ZC3H4: variants seen among roughly 807,000 people sequenced by gnomAD.
The protein encoded by ZC3H4 is zinc finger CCCH domain-containing protein 4.
Under a neutral mutation model 108.3 loss-of-function variants are expected in ZC3H4, and 13 were observed. The observed-to-expected ratio is 0.12, with a 90% confidence interval of 0.08 to 0.19. The LOEUF is 0.19. ZC3H4 is among the 10% of genes least tolerant of loss of function. The pLI is 1.00. For missense variants in ZC3H4, 1,734 were observed against 1,838.8 expected (o/e 0.94, Z 1.04); for synonymous variants, 917 against 749.6 (o/e 1.22, Z -3.65).
chr19:47,112,480 G>A lies in ZC3H4; in HGVS notation c.105C>T (p.Asp35=). The change falls in exon 2 of 15, where the codon GAC becomes GAT. Residue 35 remains aspartate, a synonymous_variant. Coordinates refer to ENST00000253048, the MANE Select transcript of ZC3H4 (RefSeq NM_015168.2). ...GGAGGTGCGGGGTGGCCGGGCGGGC[G>A]TCGGGGGAACACGGAGGAGGCGAAG... ...STPSPPPCSP[D]ARPATPHLLH... The A allele has an allele frequency of 8.5e-7, 1 of 1,175,762 alleles. No homozygotes were observed. Among genetic ancestry groups the A allele is most frequent in the Non-Finnish European group, 1.1e-6 (1 of 929,248 alleles). The allele number at this position is 1,175,762 out of a possible 1,614,324, so 72.8% of individuals were successfully genotyped here.
rs750183114 is a variant in ZC3H4 at position 47,072,705 on chromosome 19, G to A, written c.1449C>T (p.Ala483=). The change falls in exon 12 of 15, where the codon GCC becomes GCT. Residue 483 remains alanine (A), a synonymous_variant. Transcript: ENST00000253048. The surrounding 1 kb of genome is among the most constrained non-coding windows in gnomAD (Gnocchi z 5.6). The part of the protein sequence containing the change: ...ETRELLDKML[A]DDAEAGAEDE... Reference sequence around the variant, plus strand: ...CCTCGGCACCTGCTTCTGCATCATCGGCCAACATCTGCGGGTGTGAAAGAA... The same window carrying A: ...CCTCGGCACCTGCTTCTGCATCATCAGCCAACATCTGCGGGTGTGAAAGAA... The A allele has an allele frequency of 3.2e-5, 51 of 1,613,524 alleles. No individual in the cohort carries two copies. Among genetic ancestry groups the A allele is most frequent in the Non-Finnish European group, 3.6e-5 (43 of 1,179,996 alleles).
chr19:47,083,231 G>A (rs2057555303), intron 9 of ZC3H4, among the ~76,000 whole-genome samples: 1 of 150,930 alleles, frequency 6.6e-6, no homozygotes, highest in Admixed American at 6.6e-5. Flanking sequence ...CTTGCAGTGA[G>A]GCAGAACTTG....
At position 47,066,771 on chromosome 19, in the gene ZC3H4, T is replaced by G. The variant is rs780936964; in HGVS notation, c.3497A>C (p.Asp1166Ala). ...AGGKATEPAADTGAQPKGAEG... is the reference protein window; with the variant it reads ...AGGKATEPAAATGAQPKGAEG... Reference sequence around the variant, plus strand: ...AGCACCCTTGGGCTGGGCACCCGTGTCAGCAGCCGGCTCTGTGGCTTTGCC... The same window carrying G: ...AGCACCCTTGGGCTGGGCACCCGTGGCAGCAGCCGGCTCTGTGGCTTTGCC... The change falls in exon 15 of 15, where the codon GAC (aspartate) becomes GCC (alanine). Residue 1166 changes from aspartate (D) to alanine (A), a missense_variant. Around this residue, in one of 9 missense-constraint regions of ZC3H4, gnomAD observed 518 missense variants for 499.6 expected, o/e 1.04. Coordinates refer to ENST00000253048, the MANE Select transcript of ZC3H4 (RefSeq NM_015168.2). 29 of 1,602,568 alleles carry G rather than the reference T, an allele frequency of 1.8e-5. No individual in the cohort carries two copies. In the East Asian group the frequency reaches 5.6e-4, roughly 31 times the overall value.
intron 2 of ZC3H4, among the ~76,000 whole-genome samples, chr19:47,111,910 G>A (rs2058044242): frequency 6.6e-6 from 1 of 152,098 alleles, no homozygotes; most frequent in Admixed American, 6.5e-5. Flanking sequence ...GGGGCTGGGA[G>A]ACCCCCAACC....
chr19:47,093,726 G>C (rs2057775204), intron 4 of ZC3H4: 1 of 395,852 alleles, frequency 2.5e-6, no homozygotes, highest in Admixed American at 3.9e-5. Flanking sequence ...TGAGTAGCTG[G>C]AACTACAGGC....
chr19:47,091,108 C>A (rs1186882072), intron 4 of ZC3H4, among the ~76,000 whole-genome samples: 1 of 151,686 alleles, frequency 6.6e-6, no homozygotes, highest in Non-Finnish European at 1.5e-5. Context: ...AATGCAACAA[C>A]AACAACAACA....
chr19:47,098,889 CAAGT>C (rs922342027), intron 2 of ZC3H4, among the ~76,000 whole-genome samples: 2 of 152,202 alleles, frequency 1.3e-5, no homozygotes, highest in Admixed American at 6.5e-5. Flanking sequence ...TTCTGCAGAC[CAAGT>C]AACTCAACCA....
chr19:47,069,494 C>G (rs1265876512), intron 13 of ZC3H4, 151 bp from the exon 14 acceptor site: 4 of 1,014,402 alleles, frequency 3.9e-6, no homozygotes, highest in Non-Finnish European at 5.6e-6. Context: ...CTCAGGGGAA[C>G]AGAGCGGCCC....
chr19:47,110,843 C>T (rs1440881467), intron 2 of ZC3H4: 5 of 908,288 alleles, frequency 5.5e-6, no homozygotes, highest in Non-Finnish European at 5.3e-6. Context: ...ATTCCCAGGA[C>T]GATACATTTA....
At position 47,095,718 on chromosome 19, in the gene ZC3H4, A is replaced by ATGT. The variant is rs2057809664; in HGVS notation, c.162-1111_162-1110insACA. ...AATCCAGTTTTTGAGCCAAACCCAC[A>ATGT]GACACAGTGTTCACAAGTACAGGAG... is the stretch of plus-strand genomic sequence containing the variant. On this transcript the variant is annotated intron_variant, in intron 2 of 14. Transcript: ENST00000253048. Among the ~76,000 whole-genome samples, 7 of 152,336 alleles carry ATGT rather than the reference A, an allele frequency of 4.6e-5. No homozygotes were observed. The South Asian group carries it at 1.5e-3, about 32-fold the overall frequency.
chr19:47,078,428 G>A (rs992596998), intron 11 of ZC3H4, among the ~76,000 whole-genome samples: 3 of 151,386 alleles, frequency 2.0e-5, no homozygotes, highest in African/African-American at 7.3e-5. Context: ...AGGTTGCAGT[G>A]AGCCGAGACC....
chr19:47,086,167 G>A (rs377638382), intron 6 of ZC3H4, among the ~76,000 whole-genome samples: 6 of 152,044 alleles, frequency 3.9e-5, no homozygotes, highest in South Asian at 2.1e-4. Context: ...GCGCCCAGCC[G>A]ATACCTTTTC....
At position 47,067,862 on chromosome 19, in the gene ZC3H4, G is replaced by A. The variant is rs200248556; in HGVS notation, c.2406C>T (p.Thr802=). ...CCTCATCACTTGAGTACCAGTTTCCGGTGTCACCTGGGAAAGAACAGAGGA... is the reference window on the plus strand; with the variant it reads ...CCTCATCACTTGAGTACCAGTTTCCAGTGTCACCTGGGAAAGAACAGAGGA... ...KQDRENEEGD[T]GNWYSSDEDE... is the part of the protein sequence containing the mutation. The change falls in exon 15 of 15, where the codon ACC becomes ACT. Residue 802 remains threonine, a synonymous_variant. Coordinates refer to ENST00000253048, the MANE Select transcript of ZC3H4 (RefSeq NM_015168.2). This position sits in a 1 kb window ranked among gnomAD's most constrained non-coding sequence, Gnocchi z 6.4. 1.3e-4 allele frequency: 213 copies of A among 1,589,492 alleles called. No individual in the cohort carries two copies. In the Admixed American group the frequency reaches 2.3e-3, roughly 17 times the overall value.
At position 47,067,948 on chromosome 19, in the gene ZC3H4, C is replaced by T. The variant is rs997541064; in HGVS notation, c.2399-79G>A. 1.6e-5 allele frequency: 22 copies of T among 1,350,308 alleles called. No individual in the cohort carries two copies. The highest frequency in any genetic ancestry group is 1.0e-4 in the East Asian group (4 of 39,942). 83.6% of individuals were successfully genotyped at this position (1,350,308 alleles called of 1,614,324 possible). On this transcript the variant is annotated intron_variant, in intron 14 of 14. Coordinates refer to ENST00000253048, the MANE Select transcript of ZC3H4 (RefSeq NM_015168.2). This position sits in a 1 kb window ranked among gnomAD's most constrained non-coding sequence, Gnocchi z 6.4. ...CCTCTTGGATCCCACAGCAGCCCAC[C>T]GTGAGCAGCTCCTTTGCTTGTGCCT... is the stretch of plus-strand genomic sequence containing the variant.
chr19:47,107,604 T>C (rs1179612512), intron 2 of ZC3H4, among the ~76,000 whole-genome samples: 5 of 151,672 alleles, frequency 3.3e-5, no homozygotes, highest in Admixed American at 2.6e-4. Flanking sequence ...GCAGACCAGT[T>C]TGGCCAGAAG....
chr19:47,097,570 AG>A (rs1161637217), intron 2 of ZC3H4, among the ~76,000 whole-genome samples: 3 of 152,192 alleles, frequency 2.0e-5, no homozygotes, highest in Non-Finnish European at 4.4e-5. Flanking sequence ...GCAAAAAGAA[AG>A]GAAGTCGAGC....
intron 4 of ZC3H4, among the ~76,000 whole-genome samples, chr19:47,092,964 C>A (rs561814675): frequency 6.6e-6 from 1 of 152,074 alleles, no homozygotes; most frequent in Non-Finnish European, 1.5e-5. Context: ...CACCTGTAAT[C>A]CCAGCACTTT....
rs760354852 is a variant in ZC3H4, at chr19:47,090,043, G to A, written c.639C>T (p.Gly213=). ...EYEGDEEEDM[G]KEDYDDFTKE... ...TGGTGAAGTCGTCATAGTCCTCCTTGCCCATGTCCTCCTCCTCGTCGCCCT... is the reference window on the plus strand; with the variant it reads ...TGGTGAAGTCGTCATAGTCCTCCTTACCCATGTCCTCCTCCTCGTCGCCCT... Residue 213 remains glycine (G), a synonymous_variant, in exon 5 of 15, where the codon GGC becomes GGT. Transcript: ENST00000253048. 1.9e-6 allele frequency: 3 copies of A among 1,614,152 alleles called. No individual in the cohort carries two copies. The South Asian group carries it at 3.3e-5, about 18-fold the overall frequency.
chr19:47,087,247 G>A (rs982616260), intron 5 of ZC3H4, among the ~76,000 whole-genome samples: 3 of 151,250 alleles, frequency 2.0e-5, no homozygotes, highest in Non-Finnish European at 2.9e-5. Flanking sequence ...CTGCACTCCA[G>A]CTTGGGCAAC....
Sources: allele counts gnomAD v4.1 joint callset (sites outside exome capture counted in the v4.1 genomes callset), GRCh38; gene constraint gnomAD v4.1.1; regional missense constraint gnomAD v4.1.1; non-coding constraint Gnocchi (gnomAD v3.1); transcripts MANE v1.5; gene names NCBI Gene and HGNC (gene_info 2026-07-23, HGNC 2026-07-21).